The following TNRC6B variants were observed in gnomAD, a reference collection of about 807,000 sequenced individuals.
The protein encoded by TNRC6B is trinucleotide repeat containing adaptor 6B.
A neutral mutation model predicts 203.6 loss-of-function variants in TNRC6B; 52 were observed. The observed-to-expected ratio is 0.26, with a 90% CI of 0.20 to 0.32. TNRC6B has a LOEUF of 0.32. TNRC6B is among the 10% of genes least tolerant of loss of function. The pLI is 1.00. For missense variants in TNRC6B, 1,923 were observed against 2,286.2 expected, an observed-to-expected ratio of 0.84 and a Z score of 3.24; for synonymous variants, 838 against 845.7, an observed-to-expected ratio of 0.99 and a Z score of 0.16.
intron 1 of TNRC6B, among the ~76,000 whole-genome samples, chr22:40,222,833 C>G (rs2069733315): frequency 7.3e-6 from 1 of 137,268 alleles, no homozygotes; most frequent in South Asian, 2.4e-4. Context: ...CTTACCTTTG[C>G]CTCCCAGGCT....
chr22:40,295,863 T>C (rs1403772364), intron 12 of TNRC6B, among the ~76,000 whole-genome samples: 1 of 152,156 alleles, frequency 6.6e-6, no homozygotes, highest in African/African-American at 2.4e-5. Flanking sequence ...AAATTTTTGT[T>C]GCTTTTGTTT....
rs1194273638 is a variant in TNRC6B at position 40,177,953 on chromosome 22, A to AG, written c.-180dup. 1 of 1,416,786 alleles carries AG rather than the reference A, an allele frequency of 7.1e-7. No individual in the cohort carries two copies. Among genetic ancestry groups the AG allele is most frequent in the Non-Finnish European group, 9.2e-7 (1 of 1,090,596 alleles). The allele number at this position is 1,416,786 out of a possible 1,614,324, so 87.8% of individuals were successfully genotyped here. ...GACAGAGAGGGAGAGAGAGAGCAAG[A>AG]GGGAGAGTGTGTGAGAGAGAGTTAG... On this transcript the variant is annotated 5_prime_UTR_variant, in exon 1 of 23. Coordinates refer to ENST00000454349, the MANE Select transcript of TNRC6B (RefSeq NM_001162501.2).
chr22:40,281,195 G>A lies in TNRC6B; in HGVS notation c.3488G>A (p.Ser1163Asn). 2 of 1,551,474 alleles carry A rather than the reference G, an allele frequency of 1.3e-6. No homozygotes were observed. Among genetic ancestry groups the A allele is most frequent in the East Asian group, 4.9e-5 (2 of 40,896 alleles). ...TGCTCTCCCTTCTCCCCTTCTCCCA[G>A]CTACAAGCTGTCTCCCTCTGGTTCC... ...APCSPFSPSP[S>N]YKLSPSGSTL... Residue 1163 changes from serine (S) to asparagine (N), a missense_variant, in exon 11 of 23, where the codon AGC becomes AAC. Around this residue, in one of 8 missense-constraint regions of TNRC6B, gnomAD observed 599 missense variants for 656.5 expected, o/e 0.91. Transcript: ENST00000454349.
chr22:40,144,967 C>T (rs1370991058), intron 3 of TNRC6B, among the ~76,000 whole-genome samples: 1 of 149,792 alleles, frequency 6.7e-6, no homozygotes, highest in Non-Finnish European at 1.5e-5. Flanking sequence ...CTCAGTAGCT[C>T]ATGCCTGTAA....
chr22:40,061,073 T>C (rs1325476418), intron 1 of TNRC6B, among the ~76,000 whole-genome samples: 2 of 152,236 alleles, frequency 1.3e-5, no homozygotes, highest in East Asian at 1.9e-4. Context: ...CCTCTGGTTA[T>C]GCTGTTTGAA....
intron 12 of TNRC6B, 131 bp downstream of exon 12, chr22:40,285,901 T>G: frequency 8.1e-7 from 1 of 1,231,746 alleles, no homozygotes; most frequent in Non-Finnish European, 1.1e-6. Context: ...CCATCTTTTC[T>G]TGACCTTTTG....
At chr22:40,083,307 A>G (rs189680699) in intron 1 of TNRC6B, among the ~76,000 whole-genome samples, 1 of 152,330 alleles carries the variant, frequency 6.6e-6, no homozygotes, top group East Asian at 1.9e-4. Context: ...AAAGGAGATC[A>G]TTTTAAAAAA....
chr22:40,184,183 A>C lies in TNRC6B; in HGVS notation c.5+6043A>C, dbSNP rs146002172. On this transcript the variant is annotated intron_variant, in intron 1 of 22. Coordinates refer to ENST00000454349, the MANE Select transcript of TNRC6B (RefSeq NM_001162501.2). Reference sequence around the variant, plus strand: ...CAAATAATTACTGAGTGCTTTTCACATGCCAGGTGTTGATAAGTACAAGTA... The same window carrying C: ...CAAATAATTACTGAGTGCTTTTCACCTGCCAGGTGTTGATAAGTACAAGTA... Among the ~76,000 whole-genome samples, 185 of 152,334 alleles carry C rather than the reference A, an allele frequency of 1.2e-3. 1 individual carries two copies. The highest frequency in any genetic ancestry group is 4.4e-3 in the African/African-American group (181 of 41,564).
In TNRC6B at chr22:40,133,743, C is replaced by T. The variant is rs535186438; in HGVS notation, c.45+7881C>T. On this transcript the variant is annotated intron_variant, in intron 3 of 23. Transcript: ENST00000301923. ...CAGCACTTTGGGAGGCCGAGGCGAG[C>T]GGATCACCTGAGGTTGGGAGTTCGA... Among the ~76,000 whole-genome samples the T allele has an allele frequency of 4.0e-5, 6 of 151,868 alleles. No individual in the cohort carries two copies. The South Asian group carries it at 1.0e-3, about 26-fold the overall frequency.
At chr22:40,113,593 T>C (rs1366568009) in intron 1 of TNRC6B, among the ~76,000 whole-genome samples, 1 of 152,142 alleles carries the variant, frequency 6.6e-6, no homozygotes, top group Non-Finnish European at 1.5e-5. Flanking sequence ...GTGAGCTCAA[T>C]CAATCTGCCC....
chr22:40,292,843 G>A (rs981015097), intron 12 of TNRC6B, among the ~76,000 whole-genome samples: 2 of 152,224 alleles, frequency 1.3e-5, no homozygotes, highest in Admixed American at 6.5e-5. Flanking sequence ...AAAATTGTCA[G>A]TTTATGGAAC....
chr22:40,211,225 T>C (rs973897162), intron 1 of TNRC6B, among the ~76,000 whole-genome samples: 4 of 151,974 alleles, frequency 2.6e-5, no homozygotes, highest in African/African-American at 9.7e-5. Context: ...GGACTACAGG[T>C]GTGTGCCGCC....
chr22:40,331,895 T>A lies in TNRC6B; in HGVS notation c.*8654T>A, dbSNP rs188864578. ...AGGTCAGCACAGTGAGATAGAGACC[T>A]CTGAGTCCTCTTGCCACTGTTGCTG... On this transcript the variant is annotated 3_prime_UTR_variant, in exon 23 of 23. Transcript: ENST00000454349. The A allele has an allele frequency of 1.2e-5, 4 of 324,498 alleles. No individual in the cohort carries two copies. In the East Asian group the frequency reaches 1.7e-4, roughly 14 times the overall value. The allele number at this position is 324,498 out of a possible 1,614,324, so 20.1% of individuals were successfully genotyped here.
intron 1 of TNRC6B, among the ~76,000 whole-genome samples, chr22:40,216,903 T>C (rs1400275428): frequency 6.6e-6 from 1 of 152,194 alleles, no homozygotes; most frequent in Non-Finnish European, 1.5e-5. Context: ...AAACATGAAT[T>C]ATCCTACTTC....
At chr22:40,242,375 T>G (rs1750310075) in intron 1 of TNRC6B, among the ~76,000 whole-genome samples, 2 of 152,206 alleles carry the variant, frequency 1.3e-5, no homozygotes, top group Non-Finnish European at 2.9e-5. Flanking sequence ...TTTCTTCCAT[T>G]TGTGTAACTT....
chr22:40,282,095 T>G (rs1379672165), intron 11 of TNRC6B, among the ~76,000 whole-genome samples: 1 of 152,244 alleles, frequency 6.6e-6, no homozygotes, highest in Non-Finnish European at 1.5e-5. Flanking sequence ...CACTTACTTG[T>G]CACTGTGACC....
chr22:40,200,219 C>CAAATTT (rs2069391987), intron 1 of TNRC6B, among the ~76,000 whole-genome samples: 3 of 146,332 alleles, frequency 2.1e-5, no homozygotes, highest in Admixed American at 6.9e-5. Context: ...ACTATTCTTG[C>CAAATTT]AAATTTACAT....
At chr22:40,287,400 T>C (rs1210050724) in intron 12 of TNRC6B, among the ~76,000 whole-genome samples, 2 of 152,234 alleles carry the variant, frequency 1.3e-5, no homozygotes, top group Admixed American at 6.5e-5. Context: ...GTTTTAATGT[T>C]CTGAGTCTGT....
chr22:40,106,878 G>A, intron 1 of TNRC6B: 1 of 976,158 alleles, frequency 1.0e-6, no homozygotes, highest in Admixed American at 1.7e-5. Context: ...CTGTCCATCT[G>A]CCTATGTTCC....
Sources: allele counts gnomAD v4.1 joint callset (sites outside exome capture counted in the v4.1 genomes callset), GRCh38; gene constraint gnomAD v4.1.1; regional missense constraint gnomAD v4.1.1; transcripts MANE v1.5; gene names NCBI Gene and HGNC (gene_info 2026-07-23, HGNC 2026-07-21).